Variants in CFAP20DC observed in about 807,000 individuals in gnomAD.
The protein encoded by CFAP20DC is CFAP20 domain containing, also known as protein CFAP20DC.
A neutral mutation model predicts 101.7 loss-of-function variants in CFAP20DC; 84 were observed. The ratio of observed to expected loss-of-function variants is 0.83; its 90% CI spans 0.69 to 0.99. The LOEUF (loss-of-function observed/expected upper bound fraction) is 0.99. CFAP20DC is among the 50% of genes least tolerant of loss of function. CFAP20DC has a pLI of 0.00. For synonymous variants in CFAP20DC, 359 were observed against 351.2 expected (o/e 1.02, Z -0.25); for missense variants, 1,007 against 970.3 (o/e 1.04, Z -0.50).
rs766457763 is a variant in CFAP20DC at position 58,831,666 on chromosome 3, C to G, written c.2175+20G>C. On this transcript the variant is annotated intron_variant, in intron 14 of 16. Coordinates refer to ENST00000482387, the MANE Select transcript of CFAP20DC (RefSeq NM_001394063.1). ...CTCCTTGTTAAGCAATGAGAGGAAG[C>G]TGCAAAGCCAGGGACTCACGGGTGG... The G allele has an allele frequency of 6.2e-7, 1 of 1,609,970 alleles. No homozygotes were observed. The highest frequency in any genetic ancestry group is 8.5e-7 in the Non-Finnish European group (1 of 1,177,030).
At chr3:58,963,052 C>T (rs1390699042) in intron 4 of CFAP20DC, among the ~76,000 whole-genome samples, 2 of 151,980 alleles carry the variant, frequency 1.3e-5, no homozygotes, top group African/African-American at 2.4e-5. Flanking sequence ...TGCTCCAAAT[C>T]AAGTCAGCTC....
At chr3:58,945,974 C>T (rs2089298894) in intron 4 of CFAP20DC, among the ~76,000 whole-genome samples, 1 of 151,268 alleles carries the variant, frequency 6.6e-6, no homozygotes, top group Non-Finnish European at 1.5e-5. Context: ...GGATTACAGG[C>T]ATAAGCCACC....
intron 15 of CFAP20DC, among the ~76,000 whole-genome samples, chr3:58,802,405 TG>T (rs1380884175): frequency 6.6e-6 from 1 of 152,258 alleles, no homozygotes; most frequent in African/African-American, 2.4e-5. Context: ...TGTGAGATTA[TG>T]TTAGCCATTT....
chr3:58,949,660 C>T (rs1296302750), intron 4 of CFAP20DC, among the ~76,000 whole-genome samples: 1 of 152,098 alleles, frequency 6.6e-6, no homozygotes, highest in African/African-American at 2.4e-5. Flanking sequence ...GAACCAATGA[C>T]AAAAACCATA....
chr3:58,891,420 G>A (rs938708920), intron 6 of CFAP20DC, among the ~76,000 whole-genome samples: 106 of 133,634 alleles, frequency 7.9e-4, no homozygotes, highest in African/African-American at 2.9e-3. Flanking sequence ...GAGGGAGACC[G>A]TGGGGAGAGG....
intron 15 of CFAP20DC, chr3:58,794,199 C>T (rs1338135277): frequency 3.0e-6 from 1 of 338,388 alleles, no homozygotes; most frequent in East Asian, 7.8e-5. Flanking sequence ...TGGGAAGCTG[C>T]CTTCTAACCA....
intron 4 of CFAP20DC, among the ~76,000 whole-genome samples, chr3:58,993,510 T>G (rs555163046): frequency 4.6e-5 from 7 of 152,246 alleles, no homozygotes; most frequent in Non-Finnish European, 8.8e-5. Flanking sequence ...GGTGGTTTGC[T>G]GCACAGAACA....
In CFAP20DC at chr3:58,788,153, A is replaced by G. The variant is rs751706428; in HGVS notation, c.2237+18242T>C. Among the ~76,000 whole-genome samples the G allele has an allele frequency of 7.8e-4, 119 of 152,136 alleles. No homozygotes were observed. The highest frequency in any genetic ancestry group is 1.0e-3 in the Non-Finnish European group (69 of 67,954). Reference sequence around the variant, plus strand: ...AACTTAAAGTACAATTTAAAAAAAAAAAAGAGGAAGAAAACACTAAAAAAC... The same window carrying G: ...AACTTAAAGTACAATTTAAAAAAAAGAAAGAGGAAGAAAACACTAAAAAAC... On this transcript the variant is annotated intron_variant, in intron 15 of 16. Coordinates refer to ENST00000482387, the MANE Select transcript of CFAP20DC (RefSeq NM_001394063.1). This position sits in a 1 kb window ranked among gnomAD's most constrained non-coding sequence, Gnocchi z 4.2.
At chr3:58,805,824 T>C (rs2107727205) in intron 15 of CFAP20DC, among the ~76,000 whole-genome samples, 1 of 152,356 alleles carries the variant, frequency 6.6e-6, no homozygotes, top group East Asian at 1.9e-4. Flanking sequence ...ATGAGGTTTT[T>C]CCTTAGTGAC....
chr3:58,890,970 A>C (rs1222474573), intron 6 of CFAP20DC, among the ~76,000 whole-genome samples: 2 of 142,998 alleles, frequency 1.4e-5, no homozygotes, highest in Non-Finnish European at 3.0e-5. Context: ...GGCTCCTCAC[A>C]TCCCAGACGA....
At chr3:58,981,878 G>C (rs570779745) in intron 4 of CFAP20DC, among the ~76,000 whole-genome samples, 6 of 152,288 alleles carry the variant, frequency 3.9e-5, no homozygotes, top group Middle Eastern at 3.4e-3. Context: ...AAACTGAAGA[G>C]CTTCTGCACA....
At chr3:58,815,675 C>G (rs2075063546) in intron 14 of CFAP20DC, among the ~76,000 whole-genome samples, 1 of 151,132 alleles carries the variant, frequency 6.6e-6, no homozygotes, top group African/African-American at 2.4e-5. Flanking sequence ...AAAAAACAAA[C>G]AACCCCATCA....
At chr3:58,849,481 C>G in intron 12 of CFAP20DC, 72 bp from the exon 13 acceptor site, 2 of 1,117,506 alleles carry the variant, frequency 1.8e-6, no homozygotes, top group Non-Finnish European at 2.5e-6. Context: ...AGTACAAGTT[C>G]TTAATAAATT....
intron 14 of CFAP20DC, among the ~76,000 whole-genome samples, chr3:58,814,499 C>A (rs369235027): frequency 2.6e-5 from 4 of 151,152 alleles, no homozygotes; most frequent in Non-Finnish European, 5.9e-5. Flanking sequence ...GTTGGAAGTT[C>A]TGGCCAGGGC....
rs1576275420 is a variant in CFAP20DC at position 58,912,397 on chromosome 3, G to A, written c.550+1311C>T. Among the ~76,000 whole-genome samples, 1 of 152,094 alleles carries A rather than the reference G, an allele frequency of 6.6e-6. No individual in the cohort carries two copies. Among genetic ancestry groups the A allele is most frequent in the East Asian group, 1.9e-4 (1 of 5,190 alleles). The stretch of plus-strand genomic sequence containing the variant: ...ACATAAGATGAGCAGCCACACTGTG[G>A]TGTGTGATCTCTTTGGAGAGCTGTT... On this transcript the variant is annotated intron_variant, in intron 6 of 16. Coordinates refer to ENST00000482387, the MANE Select transcript of CFAP20DC (RefSeq NM_001394063.1). This position sits in a 1 kb window ranked among gnomAD's most constrained non-coding sequence, Gnocchi z 4.4.
Position 58,810,505 on chromosome 3 carries a change from C to G in CFAP20DC, c.2176-4049G>C, listed in dbSNP as rs564131347. 5.9e-4 allele frequency among the ~76,000 whole-genome samples: 90 copies of G among 152,144 alleles called. 2 individuals carry two copies. The highest frequency in any genetic ancestry group is 2.0e-3 in the African/African-American group (85 of 41,482). On this transcript the variant is annotated intron_variant, in intron 14 of 16. Transcript: ENST00000482387. ...AAGGCCTCTGACAAAATTCAACAAC[C>G]CTCCATGCTAAAAACTCTCAATAAA...
In CFAP20DC at chr3:58,717,665, A is replaced by G; in HGVS notation, c.198-37T>C. ...GTAGGAGAAGAGAGAAGAAAAAAAA[A>G]AAAGAAAAAAGGTACATGCCTTTTA... On this transcript the variant is annotated intron_variant, in intron 3 of 3. Transcript: ENST00000486145. This position sits in a 1 kb window ranked among gnomAD's most constrained non-coding sequence, Gnocchi z 4.1. 2.3e-6 allele frequency: 1 copy of G among 427,634 alleles called. No homozygotes were observed. The highest frequency in any genetic ancestry group is 4.6e-6 in the Non-Finnish European group (1 of 219,056). The allele number at this position is 427,634 out of a possible 1,614,324, so 26.5% of individuals were successfully genotyped here.
intron 4 of CFAP20DC, 87 bp downstream of exon 4, chr3:59,039,470 A>G: frequency 1.4e-6 from 1 of 740,690 alleles, no homozygotes. Flanking sequence ...AAAAACTGTC[A>G]CTTGCAATTA....
At chr3:59,033,401 C>T (rs147553175) in intron 4 of CFAP20DC, among the ~76,000 whole-genome samples, 7,913 of 152,102 alleles carry the variant, frequency 0.052, 445 homozygotes, top group African/African-American at 0.14. Context: ...CAAACTCCTC[C>T]AAGCTAAAGG....
Sources: allele counts gnomAD v4.1 joint callset (sites outside exome capture counted in the v4.1 genomes callset), GRCh38; gene constraint gnomAD v4.1.1; non-coding constraint Gnocchi (gnomAD v3.1); transcripts MANE v1.5; gene names NCBI Gene and HGNC (gene_info 2026-07-23, HGNC 2026-07-21).